HSD17B7: variants seen among roughly 807,000 people sequenced by gnomAD.
The protein encoded by HSD17B7 is 3-keto-steroid reductase/17-beta-hydroxysteroid dehydrogenase 7.
HSD17B7 carries 17 observed loss-of-function variants against 34.1 expected under a neutral mutation model. The ratio of observed to expected loss-of-function variants is 0.50; its 90% CI spans 0.34 to 0.75. The LOEUF (loss-of-function observed/expected upper bound fraction) is 0.75. Ranked by LOEUF, HSD17B7 falls within the 30% of genes least tolerant of loss-of-function variation. HSD17B7 has a pLI of 0.01. For synonymous variants in HSD17B7, 122 were observed against 154.6 expected (o/e 0.79, Z 1.56); for missense variants, 296 against 406.6 (o/e 0.73, Z 2.34).
chr1:162,792,565 G>A, intron 1 of HSD17B7, 94 bp from the exon 2 acceptor site: 3 of 1,503,714 alleles, frequency 2.0e-6, no homozygotes, highest in Non-Finnish European at 2.7e-6. Flanking sequence ...CTCATTGGAG[G>A]TCAACTTGAC....
chr1:162,792,628 C>T (rs751490857), intron 1 of HSD17B7, 31 bp from the exon 2 acceptor site: 1 of 1,597,174 alleles, frequency 6.3e-7, no homozygotes. Flanking sequence ...TCCCAGATAA[C>T]CCACATCTTG....
intron 8 of HSD17B7, among the ~76,000 whole-genome samples, chr1:162,811,110 T>C (rs1262297856): frequency 4.6e-5 from 7 of 152,370 alleles, no homozygotes; most frequent in African/African-American, 7.2e-5. Flanking sequence ...CCATGTTTAG[T>C]GCTTCCTTCA....
intron 5 of HSD17B7, 23 bp downstream of exon 5, chr1:162,799,960 G>A (rs370232667): frequency 7.5e-6 from 12 of 1,605,528 alleles, no homozygotes; most frequent in Admixed American, 5.0e-5. Flanking sequence ...TCAGTGATAC[G>A]GAAATGGCAG....
At chr1:162,809,783 T>A (rs1289376169) in intron 8 of HSD17B7, among the ~76,000 whole-genome samples, 3 of 150,422 alleles carry the variant, frequency 2.0e-5, no homozygotes, top group African/African-American at 2.4e-5. Flanking sequence ...TCAGATGGGA[T>A]CGGTGGTGAT....
intron 2 of HSD17B7, among the ~76,000 whole-genome samples, chr1:162,795,948 G>A (rs948524890): frequency 6.6e-6 from 1 of 152,038 alleles, no homozygotes; most frequent in African/African-American, 2.4e-5. Flanking sequence ...AAGTATTCAG[G>A]GGGGAGCCCA....
intron 8 of HSD17B7, among the ~76,000 whole-genome samples, chr1:162,811,088 G>A (rs1270405538): frequency 3.3e-5 from 5 of 152,198 alleles, no homozygotes; most frequent in East Asian, 3.8e-4. Flanking sequence ...GGCTGGTACC[G>A]GTTGTTCCTT....
chr1:162,799,747 GGGAACTGGAGCCTC>G lies in HSD17B7; in HGVS notation c.453_466del (p.Glu152ProfsTer5). 6.2e-7 allele frequency: 1 copy of G among 1,609,402 alleles called. No individual in the cohort carries two copies. Among genetic ancestry groups the G allele is most frequent in the Non-Finnish European group, 8.5e-7 (1 of 1,177,940 alleles). On this transcript the variant is annotated frameshift_variant, in exon 5 of 9. Coordinates refer to ENST00000254521, the MANE Select transcript of HSD17B7 (RefSeq NM_016371.4). LOFTEE classifies it high-confidence loss of function. ...TTTTTTTTTTCTTTCACCCAGATTC[GGGAACTGGAGCCTC>G]TCCTCTGTCACAGTGACAATCCATC...
At position 162,797,826 on chromosome 1, in the gene HSD17B7, A is replaced by T. The variant is rs1357524307; in HGVS notation, c.357A>T (p.Thr119=). The change falls in exon 4 of 9, where the codon ACA becomes ACT. Residue 119 remains threonine, a synonymous_variant. Transcript: ENST00000254521. ...GAAAAGTGATTCATATGTTCTCCAC[A>T]GCTGAAGGCCTGCTGACCCAGGGTG... The part of the protein sequence containing the change: ...FSRKVIHMFS[T]AEGLLTQGDK... 1.2e-6 allele frequency: 2 copies of T among 1,613,376 alleles called. No individual in the cohort carries two copies. The highest frequency in any genetic ancestry group is 1.7e-6 in the Non-Finnish European group (2 of 1,179,660).
Position 162,790,706 on chromosome 1 carries a change from T to C in HSD17B7, c.-95T>C. On this transcript the variant is annotated 5_prime_UTR_variant, in exon 1 of 9. Coordinates refer to ENST00000254521, the MANE Select transcript of HSD17B7 (RefSeq NM_016371.4). ...AACGGGAGGCGGGGCGTGGCCGTACTCTGATTGGTGACGGGTGAGGCGGCC... is the reference window on the plus strand; with the variant it reads ...AACGGGAGGCGGGGCGTGGCCGTACCCTGATTGGTGACGGGTGAGGCGGCC... The C allele has an allele frequency of 1.2e-6, 1 of 807,194 alleles. No homozygotes were observed. Among genetic ancestry groups the C allele is most frequent in the South Asian group, 1.5e-5 (1 of 68,570 alleles). 50.0% of individuals were successfully genotyped at this position (807,194 alleles called of 1,614,324 possible).
At chr1:162,795,885 G>T (rs1648590039) in intron 2 of HSD17B7, among the ~76,000 whole-genome samples, 1 of 151,978 alleles carries the variant, frequency 6.6e-6, no homozygotes, top group East Asian at 1.9e-4. Context: ...ACTTACATAG[G>T]TTTAAAACTG....
chr1:162,790,949 G>A lies in HSD17B7; in HGVS notation c.35+114G>A, dbSNP rs1014887648. Reference sequence around the variant, plus strand: ...AAGCGCCCGCCCCTGGCTTTGCCTAGGTTCCCCGGAGTCTGCAGCAGGTGT... The same window carrying A: ...AAGCGCCCGCCCCTGGCTTTGCCTAAGTTCCCCGGAGTCTGCAGCAGGTGT... On this transcript the variant is annotated intron_variant, in intron 1 of 8. Transcript: ENST00000254521. The A allele has an allele frequency of 1.0e-4, 76 of 740,556 alleles. No individual in the cohort carries two copies. In the African/African-American group the frequency reaches 1.2e-3, roughly 12 times the overall value. 45.9% of individuals were successfully genotyped at this position (740,556 alleles called of 1,614,324 possible). A position where few individuals can be genotyped will look rare whatever the true frequency, so the allele number is the denominator to read the frequency against.
At chr1:162,797,630 G>A (rs1648661789) in intron 3 of HSD17B7, 172 bp from the exon 4 acceptor site, 2 of 879,362 alleles carry the variant, frequency 2.3e-6, no homozygotes, top group South Asian at 2.2e-5. Flanking sequence ...AGGGTCTTTG[G>A]CATTTCATTT....
At chr1:162,796,832 A>G (rs1408425596) in intron 3 of HSD17B7, among the ~76,000 whole-genome samples, 155 bp downstream of exon 3, 2 of 152,224 alleles carry the variant, frequency 1.3e-5, no homozygotes, top group Non-Finnish European at 2.9e-5. Context: ...TCATGAAAGA[A>G]AAGCAATCCT....
intron 8 of HSD17B7, among the ~76,000 whole-genome samples, chr1:162,811,072 T>G (rs1243017332): frequency 5.3e-5 from 8 of 152,270 alleles, no homozygotes. Context: ...GGCATGTTTT[T>G]GCAGTGGCTG....
chr1:162,793,673 C>T (rs1469498061), intron 2 of HSD17B7, among the ~76,000 whole-genome samples: 2 of 152,208 alleles, frequency 1.3e-5, no homozygotes, highest in African/African-American at 4.8e-5. Context: ...CACTGCCTTA[C>T]GTTAAGGTAA....
At position 162,804,037 on chromosome 1, in the gene HSD17B7, A is replaced by G. The variant is rs142726366; in HGVS notation, c.748-230A>G. On this transcript the variant is annotated intron_variant, in intron 6 of 8. Transcript: ENST00000254521. ...GCTCAGGAAGAAGTGTCTTTTCCTTAGGGCAGGCATAAAGTAAAGATCAGA... is the reference window on the plus strand; with the variant it reads ...GCTCAGGAAGAAGTGTCTTTTCCTTGGGGCAGGCATAAAGTAAAGATCAGA... Among the ~76,000 whole-genome samples, 1,165 of 152,330 alleles carry G rather than the reference A, an allele frequency of 7.6e-3. 4 individuals are homozygous for G. Among genetic ancestry groups the G allele is most frequent in the Non-Finnish European group, 9.9e-3 (674 of 68,030 alleles).
chr1:162,805,855 TA>T (rs1376475087), intron 8 of HSD17B7, among the ~76,000 whole-genome samples: 1 of 152,162 alleles, frequency 6.6e-6, no homozygotes, highest in Admixed American at 6.5e-5. Flanking sequence ...TGTCAGAATG[TA>T]AGCTCTTTGA....
At chr1:162,809,758 G>T (rs1305141798) in intron 8 of HSD17B7, among the ~76,000 whole-genome samples, 1 of 152,032 alleles carries the variant, frequency 6.6e-6, no homozygotes, top group Admixed American at 6.5e-5. Flanking sequence ...TTGCGTAGAG[G>T]TGTTTATAGT....
At chr1:162,797,610 G>C (rs1413669251) in intron 3 of HSD17B7, 192 bp from the exon 4 acceptor site, 10 of 601,234 alleles carry the variant, frequency 1.7e-5, no homozygotes, top group Non-Finnish European at 2.5e-5. Context: ...GTGAATTAGT[G>C]GGGGGAAGGA....
Sources: gnomAD v4.1 joint callset for allele counts (sites outside exome capture counted in the v4.1 genomes callset) on GRCh38, gnomAD v4.1.1 for gene constraint, MANE v1.5 for transcripts, NCBI Gene and HGNC (gene_info 2026-07-23, HGNC 2026-07-21) for gene names.